PACRG: variants seen among roughly 807,000 people sequenced by gnomAD.
PACRG encodes parkin coregulated gene protein.
Under a neutral mutation model 29.7 loss-of-function variants are expected in PACRG, and 29 were observed. That is an observed-to-expected ratio of 0.98 (90% confidence interval 0.73 to 1.33). The LOEUF (loss-of-function observed/expected upper bound fraction) is 1.33, where lower values mean the gene tolerates loss of function less well. PACRG is among the 40% of genes most tolerant of loss of function. The pLI is 0.00. For synonymous variants in PACRG, 116 were observed against 118.7 expected (o/e 0.98, Z 0.15); for missense variants, 279 against 316.2 (o/e 0.88, Z 0.89).
intron 4 of PACRG, among the ~76,000 whole-genome samples, chr6:163,150,068 C>T (rs1311556254): frequency 6.6e-6 from 1 of 152,200 alleles, no homozygotes; most frequent in Non-Finnish European, 1.5e-5. Flanking sequence ...GTTGCTAGTC[C>T]TCTCCCTGGC....
chr6:163,126,627 G>C (rs1816525801), intron 4 of PACRG, among the ~76,000 whole-genome samples: 1 of 152,252 alleles, frequency 6.6e-6, no homozygotes, highest in South Asian at 2.1e-4. Context: ...GAAAGCAATG[G>C]CGAAAGAATC....
chr6:163,078,923 C>G (rs142956185), intron 3 of PACRG, among the ~76,000 whole-genome samples: 1 of 151,958 alleles, frequency 6.6e-6, no homozygotes, highest in African/African-American at 2.4e-5. Flanking sequence ...GAACATTTCT[C>G]ATGAGCACAC....
At chr6:163,149,681 G>A (rs1777993638) in intron 4 of PACRG, among the ~76,000 whole-genome samples, 1 of 151,888 alleles carries the variant, frequency 6.6e-6, no homozygotes, top group Non-Finnish European at 1.5e-5. Flanking sequence ...CCTATCCTTC[G>A]CACTCCAGAC....
At chr6:163,136,893 A>G (rs1405482535) in intron 4 of PACRG, among the ~76,000 whole-genome samples, 2 of 152,244 alleles carry the variant, frequency 1.3e-5, no homozygotes, top group Non-Finnish European at 2.9e-5. Flanking sequence ...TTGTAAATGC[A>G]TACTAAATGC....
At position 162,783,425 on chromosome 6, in the gene PACRG, C is replaced by A. The variant is rs577629619; in HGVS notation, c.157-30722C>A. Among the ~76,000 whole-genome samples, 344 of 152,024 alleles carry A rather than the reference C, an allele frequency of 2.3e-3. 1 individual carries two copies. Among genetic ancestry groups the A allele is most frequent in the African/African-American group, 7.9e-3 (329 of 41,562 alleles). On this transcript the variant is annotated intron_variant, in intron 1 of 4. Transcript: ENST00000366888. ...TTCTTACTCATTCTCTTCCTCCTTT[C>A]TTTCTCCTCTCCACATATGCATATA...
chr6:162,789,081 A>G lies in PACRG; in HGVS notation c.157-25066A>G, dbSNP rs547208484. ...TGCTCTAGATTTTTAAAATCTTGTA[A>G]TAAGAATATTAAAGGATTAATTAAA... On this transcript the variant is annotated intron_variant, in intron 1 of 4. Transcript: ENST00000366888. Among the ~76,000 whole-genome samples the G allele has an allele frequency of 2.6e-5, 4 of 152,292 alleles. No homozygotes were observed. In the South Asian group the frequency reaches 8.3e-4, roughly 32 times the overall value.
At chr6:163,168,567 C>CAACAACAAT (rs1433671646) in intron 4 of PACRG, among the ~76,000 whole-genome samples, 2 of 151,932 alleles carry the variant, frequency 1.3e-5, no homozygotes, top group African/African-American at 4.8e-5. Flanking sequence ...AAAACAACAA[C>CAACAACAAT]AAGAACTCTG....
intron 2 of PACRG, among the ~76,000 whole-genome samples, chr6:163,028,348 C>T (rs931866029): frequency 6.6e-6 from 1 of 152,146 alleles, no homozygotes; most frequent in African/African-American, 2.4e-5. Flanking sequence ...ACTCTTTGGG[C>T]ATTCAAGAGC....
chr6:162,822,156 T>C (rs186333515), intron 2 of PACRG, among the ~76,000 whole-genome samples: 1 of 152,302 alleles, frequency 6.6e-6, no homozygotes, highest in Admixed American at 6.5e-5. Flanking sequence ...TTCTAATAGT[T>C]TTTTCCAGTT....
At chr6:162,791,307 G>GT (rs141410582) in intron 1 of PACRG, among the ~76,000 whole-genome samples, 19,933 of 115,718 alleles carry the variant, frequency 0.17, 1,801 homozygotes, top group Admixed American at 0.28. Context: ...TAGTTTGTTT[G>GT]TTTGTTTTTT....
At chr6:162,968,879 T>C (rs1378559907) in intron 2 of PACRG, among the ~76,000 whole-genome samples, 1 of 151,850 alleles carries the variant, frequency 6.6e-6, no homozygotes, top group African/African-American at 2.4e-5. Context: ...AAACCCCGTC[T>C]GTACTAAAAA....
chr6:163,100,195 C>A (rs1312781253), intron 4 of PACRG, among the ~76,000 whole-genome samples: 1 of 152,112 alleles, frequency 6.6e-6, no homozygotes, highest in Non-Finnish European at 1.5e-5. Flanking sequence ...GTCCAGCCTC[C>A]ACGGCCCTGC....
At chr6:163,178,551 G>C (rs761622) in intron 4 of PACRG, among the ~76,000 whole-genome samples, 134,007 of 152,212 alleles carry the variant, frequency 0.88, 59,258 homozygotes, top group African/African-American at 0.97. Flanking sequence ...TCATAGAGCC[G>C]TTGCACTTTA....
chr6:162,803,786 A>G (rs1278904782), intron 1 of PACRG, among the ~76,000 whole-genome samples: 2 of 152,172 alleles, frequency 1.3e-5, no homozygotes, highest in East Asian at 3.9e-4. Flanking sequence ...TAAATTGAAC[A>G]GGAAGACTCA....
At chr6:163,122,935 C>T (rs1483594953) in intron 4 of PACRG, among the ~76,000 whole-genome samples, 2 of 152,112 alleles carry the variant, frequency 1.3e-5, no homozygotes, top group Admixed American at 6.5e-5. Flanking sequence ...GATACAGCTC[C>T]GAAGACTGGA....
chr6:163,296,537 C>T (rs190632976), intron 4 of PACRG, among the ~76,000 whole-genome samples: 13 of 152,350 alleles, frequency 8.5e-5, no homozygotes, highest in South Asian at 8.3e-4. Context: ...GAGTGATCCA[C>T]TCACCTCGGC....
chr6:163,099,671 T>C (rs1814908942), intron 4 of PACRG, among the ~76,000 whole-genome samples: 1 of 152,208 alleles, frequency 6.6e-6, no homozygotes, highest in South Asian at 2.1e-4. Flanking sequence ...TTGTGGACAT[T>C]GCAGAGAAAG....
At chr6:163,156,648 T>G (rs748341655) in intron 4 of PACRG, among the ~76,000 whole-genome samples, 1 of 152,182 alleles carries the variant, frequency 6.6e-6, no homozygotes, top group Non-Finnish European at 1.5e-5. Flanking sequence ...CAGCAGAAAT[T>G]TATTATCTTG....
chr6:162,731,027 C>T (rs1415501904), intron 1 of PACRG, among the ~76,000 whole-genome samples: 2 of 152,158 alleles, frequency 1.3e-5, no homozygotes, highest in African/African-American at 2.4e-5. Context: ...GTTATGGTGA[C>T]AGAGAAGTTG....
Sources: allele counts gnomAD v4.1 joint callset (sites outside exome capture counted in the v4.1 genomes callset), GRCh38; gene constraint gnomAD v4.1.1; transcripts MANE v1.5; gene names NCBI Gene and HGNC (gene_info 2026-07-23, HGNC 2026-07-21).